Variants in SLC25A13 observed in about 807,000 individuals in gnomAD.
SLC25A13 encodes solute carrier family 25 member 13, also known as electrogenic aspartate/glutamate antiporter SLC25A13, mitochondrial.
Under a neutral mutation model 85.5 loss-of-function variants are expected in SLC25A13, and 70 were observed. The ratio of observed to expected loss-of-function variants is 0.82; its 90% CI spans 0.68 to 1.00. SLC25A13 has a LOEUF of 1.00. Ranked by LOEUF, SLC25A13 falls within the 50% of genes least tolerant of loss-of-function variation. The pLI is 0.00. For synonymous variants in SLC25A13, 259 were observed against 288.7 expected, an observed-to-expected ratio of 0.90 and a Z score of 1.04; for missense variants, 765 against 819.8, an observed-to-expected ratio of 0.93 and a Z score of 0.82.
chr7:96,219,236 T>C (rs1796011054), intron 4 of SLC25A13, among the ~76,000 whole-genome samples: 1 of 152,344 alleles, frequency 6.6e-6, no homozygotes, highest in East Asian at 1.9e-4. Context: ...TTGAGTTCTC[T>C]ATAATCCCCT....
chr7:96,214,546 G>A lies in SLC25A13; in HGVS notation c.329-5569C>T, dbSNP rs1165899452. Among the ~76,000 whole-genome samples the A allele has an allele frequency of 2.0e-5, 3 of 152,062 alleles. No individual in the cohort carries two copies. In the South Asian group the frequency reaches 6.2e-4, roughly 32 times the overall value. On this transcript the variant is annotated intron_variant, in intron 4 of 17. Transcript: ENST00000265631. Reference sequence around the variant, plus strand: ...GTTCGAGACCAGCCTGGCCAACAGGGTGAAACCCCATCTCTACTAAAAATA... The same window carrying A: ...GTTCGAGACCAGCCTGGCCAACAGGATGAAACCCCATCTCTACTAAAAATA...
At chr7:96,264,976 T>C (rs951304944) in intron 3 of SLC25A13, among the ~76,000 whole-genome samples, 17 of 152,252 alleles carry the variant, frequency 1.1e-4, no homozygotes, top group African/African-American at 2.7e-4. Flanking sequence ...GTTGTTTTGG[T>C]TGAAGAATAT....
At chr7:96,288,603 C>T (rs947759633) in intron 2 of SLC25A13, among the ~76,000 whole-genome samples, 12 of 152,172 alleles carry the variant, frequency 7.9e-5, no homozygotes, top group Admixed American at 5.2e-4. Flanking sequence ...TCTTAGCAAA[C>T]GGCACACCAG....
chr7:96,134,956 T>C (rs1792211820), intron 14 of SLC25A13, among the ~76,000 whole-genome samples: 1 of 151,910 alleles, frequency 6.6e-6, no homozygotes, highest in Non-Finnish European at 1.5e-5. Context: ...AAGTCTTTGG[T>C]GTCTGATTAC....
chr7:96,157,602 G>C (rs1446272293), intron 13 of SLC25A13, among the ~76,000 whole-genome samples: 2 of 152,138 alleles, frequency 1.3e-5, no homozygotes, highest in African/African-American at 2.4e-5. Context: ...TCAGGAAATG[G>C]AGACCAGCCT....
At chr7:96,242,468 G>A (rs768253004) in intron 3 of SLC25A13, among the ~76,000 whole-genome samples, 3 of 152,146 alleles carry the variant, frequency 2.0e-5, no homozygotes, top group Non-Finnish European at 2.9e-5. Flanking sequence ...TTCCTTCTTA[G>A]CCAAGGCACT....
At chr7:96,303,974 C>T (rs148975494) in intron 1 of SLC25A13, among the ~76,000 whole-genome samples, 14 of 152,070 alleles carry the variant, frequency 9.2e-5, no homozygotes, top group Admixed American at 2.6e-4. Flanking sequence ...CTGTTCTCTG[C>T]GAGTGAGCCC....
rs78430478 is a variant in SLC25A13, at chr7:96,277,315, A to G, written c.93T>C (p.Gly31=). 1.9e-3 allele frequency: 3,064 copies of G among 1,613,018 alleles called. 46 individuals carry two copies. In the African/African-American group the frequency reaches 0.036, roughly 19 times the overall value. ...FLKYASIEKN[G]EFFMSPNDFV... ...AGTCATTGGGGGACATGAAAAATTC[A>G]CCGTTTTTCTCAATGCTTGCATACT... The change falls in exon 3 of 18, where the codon GGT becomes GGC. Residue 31 remains glycine (G), a synonymous_variant. Transcript: ENST00000265631.
intron 14 of SLC25A13, among the ~76,000 whole-genome samples, chr7:96,139,430 G>A (rs1338575868): frequency 1.3e-5 from 2 of 151,794 alleles, no homozygotes; most frequent in Non-Finnish European, 2.9e-5. Flanking sequence ...CAAGCTTTAA[G>A]CAGAGATTAT....
At chr7:96,217,884 T>C (rs1292972892) in intron 4 of SLC25A13, among the ~76,000 whole-genome samples, 7 of 140,130 alleles carry the variant, frequency 5.0e-5, no homozygotes, top group Non-Finnish European at 7.5e-5. Context: ...AAATTATATC[T>C]CAACAAAGCT....
intron 2 of SLC25A13, among the ~76,000 whole-genome samples, chr7:96,288,651 C>T (rs1798989174): frequency 6.6e-6 from 1 of 152,206 alleles, no homozygotes; most frequent in African/African-American, 2.4e-5. Context: ...GGGTCCCACG[C>T]CCACGGAGCC....
chr7:96,223,019 CT>C (rs1170611354), intron 4 of SLC25A13, among the ~76,000 whole-genome samples: 1 of 151,964 alleles, frequency 6.6e-6, no homozygotes, highest in Non-Finnish European at 1.5e-5. Flanking sequence ...TAAAAAGCAG[CT>C]TTTATCTTTA....
intron 4 of SLC25A13, among the ~76,000 whole-genome samples, chr7:96,229,433 A>C (rs1217413085): frequency 6.6e-6 from 1 of 152,142 alleles, no homozygotes; most frequent in Non-Finnish European, 1.5e-5. Context: ...AATCAGCAGG[A>C]TGTGGGTGGG....
intron 11 of SLC25A13, among the ~76,000 whole-genome samples, chr7:96,174,245 C>A (rs747948338): frequency 7.0e-4 from 107 of 152,296 alleles, no homozygotes; most frequent in Non-Finnish European, 1.2e-3. Context: ...CAAAAGCCCC[C>A]CTAAGCTCTT....
chr7:96,254,729 G>A (rs915785318), intron 3 of SLC25A13, among the ~76,000 whole-genome samples: 1 of 152,086 alleles, frequency 6.6e-6, no homozygotes, highest in Non-Finnish European at 1.5e-5. Context: ...GGATACGAAT[G>A]GGGAAGGAAA....
At chr7:96,196,439 C>T (rs1265838775) in intron 5 of SLC25A13, among the ~76,000 whole-genome samples, 2 of 152,152 alleles carry the variant, frequency 1.3e-5, no homozygotes, top group African/African-American at 4.8e-5. Flanking sequence ...AGCAGGAAGC[C>T]ACAATGCTAA....
At chr7:96,299,453 A>C (rs1040856324) in intron 1 of SLC25A13, among the ~76,000 whole-genome samples, 3 of 152,222 alleles carry the variant, frequency 2.0e-5, no homozygotes, top group African/African-American at 7.2e-5. Context: ...GATGGATATT[A>C]CTGCCCTAAT....
Position 96,298,483 on chromosome 7 carries a change from G to A in SLC25A13, c.16-1532C>T, listed in dbSNP as rs561718921. ...AGTTTCACTCTTGTTGCCCAGGCTG[G>A]AGTGCAATGATGCAGTCTTAGCTCA... On this transcript the variant is annotated intron_variant, in intron 1 of 17. Transcript: ENST00000265631. Among the ~76,000 whole-genome samples, 12 of 151,990 alleles carry A rather than the reference G, an allele frequency of 7.9e-5. No homozygotes were observed. In the East Asian group the frequency reaches 2.3e-3, roughly 29 times the overall value.
At chr7:96,265,469 C>T (rs1798014210) in intron 3 of SLC25A13, among the ~76,000 whole-genome samples, 2 of 152,164 alleles carry the variant, frequency 1.3e-5, no homozygotes, top group Admixed American at 1.3e-4. Context: ...AGAAGACTAG[C>T]TCAACTAGCA....
Sources: gnomAD v4.1 joint callset for allele counts (sites outside exome capture counted in the v4.1 genomes callset) on GRCh38, gnomAD v4.1.1 for gene constraint, MANE v1.5 for transcripts, NCBI Gene and HGNC (gene_info 2026-07-23, HGNC 2026-07-21) for gene names.